The following PREP variants were observed in gnomAD, a reference collection of about 807,000 sequenced individuals.
PREP encodes dJ355L5.1 (prolyl endopeptidase).
PREP carries 29 observed loss-of-function variants against 87.6 expected under a neutral mutation model. That is an observed-to-expected ratio of 0.33 (90% CI 0.25 to 0.45). PREP has a LOEUF of 0.45. Ranked by LOEUF, PREP falls within the 20% of genes least tolerant of loss-of-function variation. The pLI is 1.00. For missense variants in PREP, 695 were observed against 886.5 expected, an observed-to-expected ratio of 0.78 and a Z score of 2.74; for synonymous variants, 337 against 328.6, an observed-to-expected ratio of 1.03 and a Z score of -0.28.
At chr6:105,338,729 C>G (rs1300378566) in intron 7 of PREP, among the ~76,000 whole-genome samples, 1 of 152,228 alleles carries the variant, frequency 6.6e-6, no homozygotes, top group Non-Finnish European at 1.5e-5. Context: ...AATGGCACAC[C>G]AGGAGATTAT....
intron 2 of PREP, among the ~76,000 whole-genome samples, chr6:105,382,929 T>C (rs1336060285): frequency 6.6e-6 from 1 of 152,224 alleles, no homozygotes; most frequent in African/African-American, 2.4e-5. Flanking sequence ...CAGGGGCTTC[T>C]GGAGAAAGTG....
intron 10 of PREP, among the ~76,000 whole-genome samples, chr6:105,320,467 T>C (rs1251726780): frequency 6.6e-6 from 1 of 152,194 alleles, no homozygotes; most frequent in Admixed American, 6.5e-5. Flanking sequence ...TAAGGGAATA[T>C]ATTAACAGAT....
At chr6:105,371,252 C>A (rs965508143) in intron 5 of PREP, among the ~76,000 whole-genome samples, 2 of 152,086 alleles carry the variant, frequency 1.3e-5, no homozygotes, top group South Asian at 4.2e-4. Context: ...CGCCTATAAT[C>A]CCAGCACTTT....
At chr6:105,349,622 A>T (rs1484610948) in intron 7 of PREP, among the ~76,000 whole-genome samples, 2 of 152,126 alleles carry the variant, frequency 1.3e-5, no homozygotes, top group African/African-American at 4.8e-5. Context: ...TCCTAAATAT[A>T]TAAATAATTA....
chr6:105,396,702 T>C (rs530129107), intron 2 of PREP, among the ~76,000 whole-genome samples: 1 of 151,000 alleles, frequency 6.6e-6, no homozygotes, highest in Non-Finnish European at 1.5e-5. Flanking sequence ...TTTTTTTTTT[T>C]AAATGGGAAA....
chr6:105,344,383 T>A (rs1771743155), intron 7 of PREP, among the ~76,000 whole-genome samples: 1 of 151,580 alleles, frequency 6.6e-6, no homozygotes, highest in African/African-American at 2.4e-5. Context: ...TCCCAGCTAC[T>A]CAGGAGGCTT....
intron 9 of PREP, among the ~76,000 whole-genome samples, chr6:105,324,781 G>A (rs891275081): frequency 6.6e-6 from 1 of 152,178 alleles, no homozygotes; most frequent in Non-Finnish European, 1.5e-5. Flanking sequence ...ACTAACAGCT[G>A]GGAAACAATA....
intron 10 of PREP, among the ~76,000 whole-genome samples, chr6:105,313,153 G>A (rs1057173651): frequency 2.0e-5 from 3 of 152,222 alleles, no homozygotes; most frequent in African/African-American, 7.2e-5. Flanking sequence ...GACTACACTT[G>A]TGGAGATGGA....
At chr6:105,358,744 C>A (rs1015699499) in intron 6 of PREP, among the ~76,000 whole-genome samples, 1 of 152,118 alleles carries the variant, frequency 6.6e-6, no homozygotes, top group Non-Finnish European at 1.5e-5. Context: ...AAAGTTTCCT[C>A]GAATTTAACT....
intron 8 of PREP, among the ~76,000 whole-genome samples, chr6:105,330,291 G>C (rs1771291592): frequency 6.6e-6 from 1 of 152,208 alleles, no homozygotes; most frequent in Non-Finnish European, 1.5e-5. Flanking sequence ...AGAAGAGTAA[G>C]AGCACTATTG....
rs1769904300 is a variant in PREP, at chr6:105,274,891, G to C, written c.*3253C>G. Among the ~76,000 whole-genome samples the C allele has an allele frequency of 6.6e-6, 1 of 152,218 alleles. No individual in the cohort carries two copies. The highest frequency in any genetic ancestry group is 2.1e-4 in the South Asian group (1 of 4,826). ...AAGGTATTATGTGCTTCCTAAGGTT[G>C]TGTGAGGACAAACATTCATCCACAC... On this transcript the variant is annotated 3_prime_UTR_variant, in exon 15 of 15. Transcript: ENST00000652536.
chr6:105,349,807 C>A (rs900153546), intron 7 of PREP, among the ~76,000 whole-genome samples: 2 of 142,830 alleles, frequency 1.4e-5, no homozygotes, highest in African/African-American at 5.2e-5. Context: ...AGTCATCTAA[C>A]ATTCAAGTTA....
intron 7 of PREP, among the ~76,000 whole-genome samples, chr6:105,347,839 T>C (rs1443844672): frequency 3.3e-5 from 5 of 152,096 alleles, no homozygotes; most frequent in Non-Finnish European, 7.4e-5. Context: ...ATAGTGAGAC[T>C]CCATCTCTAT....
intron 11 of PREP, among the ~76,000 whole-genome samples, chr6:105,287,908 T>C (rs1018716878): frequency 2.0e-5 from 3 of 152,186 alleles, no homozygotes; most frequent in Non-Finnish European, 4.4e-5. Context: ...AGCAAACATA[T>C]AAATGTAGAA....
intron 10 of PREP, among the ~76,000 whole-genome samples, chr6:105,309,190 G>A (rs1189346450): frequency 6.6e-6 from 1 of 152,058 alleles, no homozygotes; most frequent in Non-Finnish European, 1.5e-5. Flanking sequence ...AGCCAAATGT[G>A]ATCACGAGGG....
At chr6:105,354,193 T>A (rs1772032211) in intron 6 of PREP, among the ~76,000 whole-genome samples, 1 of 152,230 alleles carries the variant, frequency 6.6e-6, no homozygotes, top group Admixed American at 6.5e-5. Context: ...TGATCCATCA[T>A]CCTACCCATA....
At chr6:105,362,896 C>T (rs1583082787) in intron 6 of PREP, among the ~76,000 whole-genome samples, 1 of 152,286 alleles carries the variant, frequency 6.6e-6, no homozygotes, top group East Asian at 1.9e-4. Context: ...CCAGGAACAC[C>T]ACTGGACTTT....
At chr6:105,390,923 AG>A (rs1773126166) in intron 2 of PREP, among the ~76,000 whole-genome samples, 1 of 152,086 alleles carries the variant, frequency 6.6e-6, no homozygotes, top group African/African-American at 2.4e-5. Flanking sequence ...GCAGGGCTGA[AG>A]GAAGAGCATT....
chr6:105,319,539 C>G (rs1393748255), intron 10 of PREP, among the ~76,000 whole-genome samples: 1 of 152,222 alleles, frequency 6.6e-6, no homozygotes, highest in Non-Finnish European at 1.5e-5. Flanking sequence ...CATTCAACCA[C>G]AGTACACTAT....
Sources: gnomAD v4.1 joint callset for allele counts (sites outside exome capture counted in the v4.1 genomes callset) on GRCh38, gnomAD v4.1.1 for gene constraint, MANE v1.5 for transcripts, NCBI Gene and HGNC (gene_info 2026-07-23, HGNC 2026-07-21) for gene names.